Variants in CRNKL1 observed in about 807,000 individuals in gnomAD.
The protein encoded by CRNKL1 is crooked neck pre-mRNA splicing factor 1.
A neutral mutation model predicts 103.7 loss-of-function variants in CRNKL1; 35 were observed. The observed-to-expected ratio is 0.34, with a 90% CI of 0.26 to 0.45. The LOEUF is 0.45. CRNKL1 is among the 20% of genes least tolerant of loss of function. The pLI is 1.00. For synonymous variants in CRNKL1, 267 were observed against 282.6 expected, an observed-to-expected ratio of 0.94 and a Z score of 0.55; for missense variants, 645 against 836.0, an observed-to-expected ratio of 0.77 and a Z score of 2.82.
intron 6 of CRNKL1, among the ~76,000 whole-genome samples, chr20:20,044,515 G>C (rs1453532906): frequency 6.6e-6 from 1 of 152,150 alleles, no homozygotes; most frequent in South Asian, 2.1e-4. Context: ...CATTTCCTTC[G>C]AGTGTCATGT....
In CRNKL1 at chr20:20,038,399, T is replaced by C. The variant is rs1455667380; in HGVS notation, c.1597A>G (p.Arg533Gly). ...AACCGCCGGTAAAGGTTTCGTGTTC[T>C]TTCTGTTTCTTCCTGCTCAATTTCA... ...DFEIEQEETE[R>G]TRNLYRRLLQ... Residue 533 changes from arginine to glycine, a missense_variant, in exon 12 of 14, where the codon AGA becomes GGA. Physicochemically the swap from Arg to Gly is moderately radical, Grantham distance 125. This residue lies in a region of CRNKL1 where 582 missense variants were observed against 707.7 expected (regional missense o/e 0.82). Transcript: ENST00000536226. 1 of 1,552,704 alleles carries C rather than the reference T, an allele frequency of 6.4e-7. No homozygotes were observed.
At chr20:20,048,737 AAC>A (rs1300283635) in intron 3 of CRNKL1, among the ~76,000 whole-genome samples, 7 of 152,218 alleles carry the variant, frequency 4.6e-5, no homozygotes, top group Non-Finnish European at 1.0e-4. Flanking sequence ...CTGCACGGGA[AAC>A]AGAGAGGAAG....
At chr20:20,046,675 T>A (rs915625135) in intron 5 of CRNKL1, among the ~76,000 whole-genome samples, 1 of 152,226 alleles carries the variant, frequency 6.6e-6, no homozygotes, top group African/African-American at 2.4e-5. Flanking sequence ...GTGACTGGAC[T>A]GAGGCTGCCC....
In CRNKL1 at chr20:20,047,934, G is replaced by A; in HGVS notation, c.456-3C>T. On this transcript the variant is annotated splice_region_variant and splice_polypyrimidine_tract_variant and intron_variant, in intron 4 of 13. Transcript: ENST00000536226. ...CCTCCATGTACGTGTACTTGTACCT[G>A]TAACAAAATCACCCGAAAATATCTG... 1 of 1,609,448 alleles carries A rather than the reference G, an allele frequency of 6.2e-7. No homozygotes were observed.
In CRNKL1 at chr20:20,043,512, G is replaced by C; in HGVS notation, c.952C>G (p.Gln318Glu). ...EDIIVSKRRF[Q>E]YEEEVKANPH... The stretch of plus-strand genomic sequence containing the variant: ...CTCACCTTCACTTCTTCTTCGTACT[G>C]GAATCTCCGTTTGCTCACAATGATA... Residue 318 changes from glutamine (Q) to glutamate (E), a missense_variant, in exon 7 of 14, where the codon CAG becomes GAG. Transcript: ENST00000536226. The C allele has an allele frequency of 1.2e-6, 2 of 1,613,730 alleles. No individual in the cohort carries two copies. The highest frequency in any genetic ancestry group is 1.7e-6 in the Non-Finnish European group (2 of 1,179,794).
rs145031940 is a variant in CRNKL1, at chr20:20,050,514, T to C, written c.160A>G (p.Thr54Ala). The C allele has an allele frequency of 4.3e-5, 70 of 1,613,938 alleles. No individual in the cohort carries two copies. The highest frequency in any genetic ancestry group is 6.8e-6 in the Non-Finnish European group (8 of 1,179,940). ...TAATCATTTAATTCTTCTTCATCTGTGATCTTCTGTTGAGGTGGAGGTGGA... is the reference window on the plus strand; with the variant it reads ...TAATCATTTAATTCTTCTTCATCTGCGATCTTCTGTTGAGGTGGAGGTGGA... ...LLPPPPQQKITDEEELNDYKL... is the reference protein window; with the variant it reads ...LLPPPPQQKIADEEELNDYKL... Residue 54 changes from threonine to alanine, a missense_variant, in exon 2 of 14, where the codon ACA (threonine) becomes GCA (alanine). Thr to Ala is a moderately conservative substitution (Grantham distance 58). Transcript: ENST00000536226.
chr20:20,047,190 C>G (rs1040264240), intron 5 of CRNKL1, among the ~76,000 whole-genome samples: 2 of 152,192 alleles, frequency 1.3e-5, no homozygotes, highest in Non-Finnish European at 2.9e-5. Context: ...GACCTTAGTA[C>G]AGTTAGTCCT....
At chr20:20,042,657 T>C (rs2043534294) in intron 7 of CRNKL1, 141 bp from the exon 8 acceptor site, 1 of 728,272 alleles carries the variant, frequency 1.4e-6, no homozygotes, top group African/African-American at 1.8e-5. Flanking sequence ...TCTTTCATTT[T>C]AAAAACACCA....
In CRNKL1 at chr20:20,036,084, A is replaced by AGAT; in HGVS notation, c.*108_*110dup. 9.0e-7 allele frequency: 1 copy of AGAT among 1,117,168 alleles called. No individual in the cohort carries two copies. 69.2% of individuals were successfully genotyped at this position (1,117,168 alleles called of 1,614,324 possible). On this transcript the variant is annotated 3_prime_UTR_variant, in exon 14 of 14. Coordinates refer to ENST00000536226, the MANE Select transcript of CRNKL1 (RefSeq NM_001278628.2). Reference sequence around the variant, plus strand: ...AAATAACTTAAAAAGTAGCCATCAAAGATACCAATCAATTTCTTACTGGTG... The same window carrying AGAT: ...AAATAACTTAAAAAGTAGCCATCAAAGATGATACCAATCAATTTCTTACTGGTG...
At position 20,040,675 on chromosome 20, in the gene CRNKL1, TCTTTA is replaced by T; in HGVS notation, c.1305+6_1305+10del. 6.3e-7 allele frequency: 1 copy of T among 1,595,996 alleles called. No individual in the cohort carries two copies. The highest frequency in any genetic ancestry group is 8.6e-7 in the Non-Finnish European group (1 of 1,166,664). The stretch of plus-strand genomic sequence containing the variant: ...AACTTGATGAGACATCTTGATCCTT[TCTTTA>T]CTTACCAATGCTCTTCTGGCTAATG... On this transcript the variant is annotated splice_donor_region_variant and intron_variant, in intron 10 of 13. Transcript: ENST00000536226.
chr20:20,037,618 A>G, intron 12 of CRNKL1, 47 bp from the exon 13 acceptor site: 1 of 1,572,718 alleles, frequency 6.4e-7, no homozygotes, highest in Non-Finnish European at 8.6e-7. Flanking sequence ...ATCACTCAGA[A>G]GATAATAATG....
At chr20:20,036,499 A>G (rs1479580373) in intron 13 of CRNKL1, 137 bp from the exon 14 acceptor site, 1 of 795,594 alleles carries the variant, frequency 1.3e-6, no homozygotes, top group Non-Finnish European at 2.0e-6. Context: ...AGAAAGAACA[A>G]GGGCTGGGTC....
chr20:20,040,299 G>A (rs1168142098), intron 10 of CRNKL1, among the ~76,000 whole-genome samples: 7 of 141,790 alleles, frequency 4.9e-5, no homozygotes, highest in Admixed American at 3.0e-4. Flanking sequence ...GGAACAGAGC[G>A]AGACCCTGTC....
chr20:20,048,227 G>A, intron 4 of CRNKL1, 116 bp downstream of exon 4: 10 of 1,198,238 alleles, frequency 8.3e-6, no homozygotes, highest in Non-Finnish European at 1.2e-5. Flanking sequence ...CAGCATTTAT[G>A]TCTGAAGAAA....
Position 20,040,745 on chromosome 20 carries a change from T to C in CRNKL1, c.1246A>G (p.Ile416Val). The C allele has an allele frequency of 5.6e-6, 9 of 1,610,668 alleles. No homozygotes were observed. Among genetic ancestry groups the C allele is most frequent in the Non-Finnish European group, 7.6e-6 (9 of 1,179,336 alleles). Reference sequence around the variant, plus strand: ...CGTATTTCAAACTGTGCATACAGTATCCACATTTTGGCAAATGTGAACTAG... The same window carrying C: ...CGTATTTCAAACTGTGCATACAGTACCCACATTTTGGCAAATGTGAACTAG... The part of the protein sequence containing the change: ...HKKFTFAKMW[I>V]LYAQFEIRQK... Residue 416 changes from isoleucine to valine, a missense_variant, in exon 10 of 14, where the codon ATA becomes GTA. By Grantham distance (29) the Ile-to-Val change is conservative. Around this residue, in one of 2 missense-constraint regions of CRNKL1, gnomAD observed 582 missense variants for 707.7 expected, o/e 0.82. Transcript: ENST00000536226.
intron 1 of CRNKL1, among the ~76,000 whole-genome samples, chr20:20,051,606 G>A (rs2043736958): frequency 6.6e-6 from 1 of 152,212 alleles, no homozygotes; most frequent in Non-Finnish European, 1.5e-5. Flanking sequence ...CAGACAAATA[G>A]TTATGTAAAG....
At chr20:20,043,978 T>G (rs539430034) in intron 6 of CRNKL1, among the ~76,000 whole-genome samples, 4 of 152,304 alleles carry the variant, frequency 2.6e-5, no homozygotes, top group Admixed American at 1.3e-4. Context: ...TTCCCAATTT[T>G]AGTAGGCAAG....
At position 20,042,627 on chromosome 20, in the gene CRNKL1, T is replaced by G. The variant is rs912978007; in HGVS notation, c.973-111A>C. The G allele has an allele frequency of 9.8e-6, 9 of 920,826 alleles. No individual in the cohort carries two copies. The African/African-American group carries it at 1.5e-4, about 15-fold the overall frequency. The allele number at this position is 920,826 out of a possible 1,614,324, so 57.0% of individuals were successfully genotyped here. A position where few individuals can be genotyped will look rare whatever the true frequency, so the allele number is the denominator to read the frequency against. On this transcript the variant is annotated intron_variant, in intron 7 of 13. Coordinates refer to ENST00000536226, the MANE Select transcript of CRNKL1 (RefSeq NM_001278628.2). ...CTGACTTTCTATATTTTAGCACCTT[T>G]TCTTCTAAATGTTACATGTTCTTTC...
At chr20:20,047,512 A>G (rs1206844760) in intron 5 of CRNKL1, among the ~76,000 whole-genome samples, 1 of 152,198 alleles carries the variant, frequency 6.6e-6, no homozygotes, top group Non-Finnish European at 1.5e-5. Context: ...ATTTTCCACA[A>G]GGAAACATTA....
Sources: allele counts gnomAD v4.1 joint callset (sites outside exome capture counted in the v4.1 genomes callset), GRCh38; gene constraint gnomAD v4.1.1; regional missense constraint gnomAD v4.1.1; transcripts MANE v1.5; gene names NCBI Gene and HGNC (gene_info 2026-07-23, HGNC 2026-07-21).